Variants in SYNE2 observed in about 807,000 individuals in gnomAD.
SYNE2 encodes nesprin-2.
SYNE2 carries 431 observed loss-of-function variants against 856.3 expected under a neutral mutation model. The observed-to-expected ratio is 0.50, with a 90% CI of 0.47 to 0.55. The LOEUF is 0.55. Among genes scored for constraint, SYNE2 ranks in the 20% least tolerant of loss-of-function variants. The probability of loss-of-function intolerance (pLI) is 0.00; values close to 1 mark genes in which losing one functional copy is unlikely to be tolerated. For missense variants in SYNE2, 8,129 were observed against 8,023.2 expected, an observed-to-expected ratio of 1.01 and a Z score of -0.50; for synonymous variants, 2,923 against 2,872.3, an observed-to-expected ratio of 1.02 and a Z score of -0.56.
chr14:64,082,460 G>A (rs142278347), intron 57 of SYNE2, among the ~76,000 whole-genome samples: 23 of 152,322 alleles, frequency 1.5e-4, no homozygotes, highest in Non-Finnish European at 2.6e-4. Flanking sequence ...GCAGCAGAGT[G>A]CAGAGAGATT....
chr14:64,185,255 C>T (rs1411934367), intron 96 of SYNE2, among the ~76,000 whole-genome samples: 1 of 152,076 alleles, frequency 6.6e-6, no homozygotes, highest in Admixed American at 6.5e-5. Context: ...GGGTGAGACC[C>T]TGTCTCTTAA....
At chr14:63,812,414 T>C (rs565099699) in intron 1 of SYNE2, among the ~76,000 whole-genome samples, 17 of 152,316 alleles carry the variant, frequency 1.1e-4, no homozygotes, top group African/African-American at 4.1e-4. Flanking sequence ...CAAGATGCAC[T>C]GATTTCATAT....
intron 2 of SYNE2, among the ~76,000 whole-genome samples, chr14:63,939,501 C>G (rs1044658012): frequency 6.6e-6 from 1 of 152,094 alleles, no homozygotes; most frequent in Non-Finnish European, 1.5e-5. Flanking sequence ...GCGTGTGCCA[C>G]CACGCCTGGC....
chr14:63,889,427 T>C (rs1272095107), intron 1 of SYNE2, among the ~76,000 whole-genome samples: 1 of 152,060 alleles, frequency 6.6e-6, no homozygotes, highest in Non-Finnish European at 1.5e-5. Flanking sequence ...CTAAGCATTA[T>C]TATTAAAGTA....
intron 1 of SYNE2, among the ~76,000 whole-genome samples, chr14:63,842,707 GC>G (rs1890109612): frequency 6.6e-6 from 1 of 151,648 alleles, no homozygotes; most frequent in East Asian, 1.9e-4. Flanking sequence ...TGACCCGCCG[GC>G]CTCGGCCTCC....
intron 1 of SYNE2, among the ~76,000 whole-genome samples, chr14:63,890,053 C>CTTTTT (rs71123813): frequency 4.2e-5 from 4 of 95,058 alleles, no homozygotes; most frequent in African/African-American, 4.2e-5. Flanking sequence ...TTCTTTCTTT[C>CTTTTT]TTTTTTTTTT....
intron 44 of SYNE2, among the ~76,000 whole-genome samples, chr14:64,030,386 T>G (rs2097023780): frequency 6.6e-6 from 1 of 152,214 alleles, no homozygotes; most frequent in Admixed American, 6.5e-5. Flanking sequence ...GAATGAATGA[T>G]TGAGTGAATG....
chr14:64,167,669 C>CCGCT, intron 92 of SYNE2, 30 bp downstream of exon 92: 2 of 1,614,002 alleles, frequency 1.2e-6, no homozygotes, highest in Non-Finnish European at 1.7e-6. Context: ...CACCCTTGAA[C>CCGCT]CGCTCATCTG....
chr14:64,010,189 AGATTAAGTCTTT>A, intron 32 of SYNE2, 73 bp downstream of exon 32: 1 of 1,464,572 alleles, frequency 6.8e-7, no homozygotes, highest in Non-Finnish European at 9.3e-7. Context: ...GAGATATTAT[AGATTAAGTCTTT>A]TTTGAAACTT....
At chr14:63,958,698 G>T (rs1381228699) in intron 8 of SYNE2, among the ~76,000 whole-genome samples, 2 of 152,054 alleles carry the variant, frequency 1.3e-5, no homozygotes, top group Admixed American at 6.6e-5. Context: ...GAGAGTTAAG[G>T]CTCACTCTCC....
At chr14:64,225,246 C>T (rs1334191507) in intron 115 of SYNE2, 73 bp from the exon 116 acceptor site, 1 of 1,609,866 alleles carries the variant, frequency 6.2e-7, no homozygotes, top group African/African-American at 1.3e-5. Context: ...CTTACATAAG[C>T]AGGGGCTTAG....
intron 64 of SYNE2, among the ~76,000 whole-genome samples, chr14:64,103,468 T>C (rs995504813): frequency 3.9e-5 from 6 of 152,126 alleles, no homozygotes; most frequent in Admixed American, 2.6e-4. Flanking sequence ...GGTCTCACTT[T>C]AGAAAATCAT....
chr14:63,866,597 G>C (rs1045120955), intron 1 of SYNE2, among the ~76,000 whole-genome samples: 2 of 152,120 alleles, frequency 1.3e-5, no homozygotes, highest in African/African-American at 2.4e-5. Context: ...CTTTGTTATA[G>C]CTTAAAAGTG....
At chr14:64,216,156 G>T in intron 107 of SYNE2, 92 bp from the exon 108 acceptor site, 1 of 1,600,412 alleles carries the variant, frequency 6.2e-7, no homozygotes, top group Non-Finnish European at 8.5e-7. Flanking sequence ...GAAAGCTGCA[G>T]AACTCATTTT....
chr14:64,112,928 T>C, intron 65 of SYNE2: 1 of 879,320 alleles, frequency 1.1e-6, no homozygotes, highest in East Asian at 1.2e-4. Flanking sequence ...CTGTTTTGTT[T>C]TGTTTTTCTG....
chr14:63,819,903 A>G (rs1889149750), intron 1 of SYNE2, among the ~76,000 whole-genome samples: 1 of 152,238 alleles, frequency 6.6e-6, no homozygotes, highest in Admixed American at 6.5e-5. Flanking sequence ...TTACAATAAT[A>G]TATTTTAAAA....
intron 29 of SYNE2, 85 bp downstream of exon 29, chr14:64,002,166 A>G (rs2096760241): frequency 7.0e-6 from 8 of 1,140,446 alleles, no homozygotes; most frequent in Middle Eastern, 2.1e-4. Context: ...TTAATTATTC[A>G]TGATAGCATA....
chr14:64,202,764 T>G, intron 99 of SYNE2, 37 bp from the exon 100 acceptor site: 5 of 1,613,886 alleles, frequency 3.1e-6, no homozygotes, highest in Non-Finnish European at 3.4e-6. Flanking sequence ...CACTGGTTTT[T>G]TTTTGTTTCG....
chr14:64,113,043 C>T (rs1258554771), intron 65 of SYNE2: 7 of 985,248 alleles, frequency 7.1e-6, no homozygotes, highest in Middle Eastern at 5.2e-4. Context: ...CACACCCTGT[C>T]ACTCACATTC....
Sources: gnomAD v4.1 joint callset for allele counts (sites outside exome capture counted in the v4.1 genomes callset) on GRCh38, gnomAD v4.1.1 for gene constraint, MANE v1.5 for transcripts, NCBI Gene and HGNC (gene_info 2026-07-23, HGNC 2026-07-21) for gene names.